Variants in AQP9 observed in about 807,000 individuals in gnomAD.
AQP9 encodes the protein aquaporin-9.
In AQP9, 19 loss-of-function variants were observed where a neutral mutation model predicts 23.8. The observed-to-expected ratio is 0.80, with a 90% confidence interval of 0.56 to 1.17. AQP9 has a LOEUF of 1.17. AQP9 is among the 50% of genes most tolerant of loss of function. The probability of loss-of-function intolerance (pLI) is 0.00; values close to 1 mark genes in which losing one functional copy is unlikely to be tolerated. For synonymous variants in AQP9, 153 were observed against 131.5 expected (o/e 1.16, Z -1.12); for missense variants, 413 against 362.0 (o/e 1.14, Z -1.14).
chr15:58,145,639 C>G (rs1898031835), intron 1 of AQP9, among the ~76,000 whole-genome samples: 1 of 151,946 alleles, frequency 6.6e-6, no homozygotes, highest in Non-Finnish European at 1.5e-5. Flanking sequence ...TTAAATTTTT[C>G]CCTCATTATT....
chr15:58,174,537 T>C (rs1209346921), intron 3 of AQP9, among the ~76,000 whole-genome samples: 12 of 152,118 alleles, frequency 7.9e-5, no homozygotes, highest in African/African-American at 2.9e-4. Flanking sequence ...TGGAGTGGTA[T>C]TAGGGGTTAC....
In AQP9 at chr15:58,179,113, C is replaced by T; in HGVS notation, c.496-15C>T. ...AATGCAGGCTAAAGCCCTGGCTCAA[C>T]TTCTCCCTCTCCAGGTGGTGGCCAC... On this transcript the variant is annotated splice_polypyrimidine_tract_variant and intron_variant, in intron 4 of 5. Coordinates refer to ENST00000219919, the MANE Select transcript of AQP9 (RefSeq NM_020980.5). The T allele has an allele frequency of 6.3e-7, 1 of 1,579,978 alleles. No individual in the cohort carries two copies. The highest frequency in any genetic ancestry group is 8.7e-7 in the Non-Finnish European group (1 of 1,148,870).
intron 5 of AQP9, among the ~76,000 whole-genome samples, chr15:58,180,024 GCCCCAGAAATGGCAAGACT>G (rs1226508773): frequency 3.9e-5 from 6 of 152,152 alleles, no homozygotes; most frequent in African/African-American, 1.4e-4. Flanking sequence ...TTGAGCCTCT[GCCCCAGAAATGGCAAGACT>G]CCACACTTTC....
intron 1 of AQP9, among the ~76,000 whole-genome samples, chr15:58,139,415 TGG>T (rs1362294957): frequency 6.6e-6 from 1 of 152,220 alleles, no homozygotes; most frequent in Non-Finnish European, 1.5e-5. Context: ...TTAAGTGGTC[TGG>T]GCTTTCATTT....
intron 1 of AQP9, among the ~76,000 whole-genome samples, chr15:58,143,628 A>C (rs139916446): frequency 7.2e-4 from 109 of 152,300 alleles, no homozygotes; most frequent in Non-Finnish European, 1.3e-4. Flanking sequence ...ATAGTTTTAT[A>C]TGTTTAAAAA....
intron 5 of AQP9, 112 bp downstream of exon 5, chr15:58,179,457 C>A: frequency 1.1e-6 from 1 of 869,828 alleles, no homozygotes; most frequent in Non-Finnish European, 1.8e-6. Flanking sequence ...CCAACGTTAA[C>A]TGCACACTCT....
chr15:58,174,702 A>G (rs2140627703), intron 3 of AQP9, among the ~76,000 whole-genome samples: 1 of 152,354 alleles, frequency 6.6e-6, no homozygotes, highest in East Asian at 1.9e-4. Flanking sequence ...GCAGTGGGCC[A>G]TTCAGAGAGG....
intron 5 of AQP9, among the ~76,000 whole-genome samples, chr15:58,182,378 C>T (rs1440484660): frequency 6.6e-6 from 1 of 152,072 alleles, no homozygotes; most frequent in African/African-American, 2.4e-5. Flanking sequence ...GGCAGGTAAC[C>T]ACATCTGAGC....
chr15:58,166,643 C>T, intron 1 of AQP9, 30 bp from the exon 2 acceptor site: 1 of 1,591,934 alleles, frequency 6.3e-7, no homozygotes, highest in Non-Finnish European at 8.6e-7. Context: ...GCCATCCCCA[C>T]TTACCTGTTG....
chr15:58,161,278 G>A (rs571921945), intron 1 of AQP9, among the ~76,000 whole-genome samples: 1 of 152,294 alleles, frequency 6.6e-6, no homozygotes, highest in South Asian at 2.1e-4. Context: ...GGGTAATCGG[G>A]AATGACTGGA....
At chr15:58,149,817 G>C (rs1268555036) in intron 1 of AQP9, among the ~76,000 whole-genome samples, 1 of 152,158 alleles carries the variant, frequency 6.6e-6, no homozygotes, top group African/African-American at 2.4e-5. Flanking sequence ...GAGCAGGGAA[G>C]CCTCTGGTAA....
At position 58,179,220 on chromosome 15, in the gene AQP9, C is replaced by A. The variant is rs769791318; in HGVS notation, c.588C>A (p.Ile196=). Residue 196 remains isoleucine (I), a synonymous_variant, in exon 5 of 6, where the codon ATC becomes ATA. Transcript: ENST00000219919. Reference sequence around the variant, plus strand: ...CCAGAGGCCTAGAGCCCATTGCCATCGGCCTCCTGATTATTGTCATTGCTT... The same window carrying A: ...CCAGAGGCCTAGAGCCCATTGCCATAGGCCTCCTGATTATTGTCATTGCTT... ...GAPRGLEPIA[I]GLLIIVIASS... is the part of the protein sequence containing the mutation. 9.9e-6 allele frequency: 16 copies of A among 1,613,920 alleles called. No individual in the cohort carries two copies. The Admixed American group carries it at 2.3e-4, about 24-fold the overall frequency.
At chr15:58,143,524 T>A (rs1025013682) in intron 1 of AQP9, among the ~76,000 whole-genome samples, 1 of 152,256 alleles carries the variant, frequency 6.6e-6, no homozygotes, top group African/African-American at 2.4e-5. Flanking sequence ...GAGATTAGAA[T>A]CAAATCTCTC....
At chr15:58,170,249 C>T (rs375363295) in intron 2 of AQP9, among the ~76,000 whole-genome samples, 1 of 152,140 alleles carries the variant, frequency 6.6e-6, no homozygotes, top group East Asian at 1.9e-4. Context: ...ACTTGTCCAC[C>T]TCTCTTTCTG....
At chr15:58,171,776 T>C (rs147239581) in intron 2 of AQP9, among the ~76,000 whole-genome samples, 1 of 152,262 alleles carries the variant, frequency 6.6e-6, no homozygotes, top group Non-Finnish European at 1.5e-5. Flanking sequence ...AGCATAGCTT[T>C]CTCCACAGGG....
At position 58,149,429 on chromosome 15, in the gene AQP9, C is replaced by T. The variant is rs373838635; in HGVS notation, c.111+10753C>T. On this transcript the variant is annotated intron_variant, in intron 1 of 5. Coordinates refer to ENST00000219919, the MANE Select transcript of AQP9 (RefSeq NM_020980.5). ...GTGCAGTCAAACCTTGGCCCCAGCACGTACCACTTATGGGAATGTGAGAGC... is the reference window on the plus strand; with the variant it reads ...GTGCAGTCAAACCTTGGCCCCAGCATGTACCACTTATGGGAATGTGAGAGC... Among the ~76,000 whole-genome samples the T allele has an allele frequency of 3.3e-4, 51 of 152,298 alleles. 1 individual carries two copies. The highest frequency in any genetic ancestry group is 1.2e-3 in the Admixed American group (19 of 15,296).
intron 1 of AQP9, among the ~76,000 whole-genome samples, chr15:58,162,719 G>A (rs1478840205): frequency 6.6e-6 from 1 of 152,132 alleles, no homozygotes; most frequent in Non-Finnish European, 1.5e-5. Flanking sequence ...AAGAAGCCAG[G>A]CCCCACGGAG....
In AQP9 at chr15:58,147,457, C is replaced by A. The variant is rs371627514; in HGVS notation, c.111+8781C>A. Reference sequence around the variant, plus strand: ...CTCCAGCAGGCATCTAATTTCATGTCTGGGGCAGGATTGCTGAGTTCACTG... The same window carrying A: ...CTCCAGCAGGCATCTAATTTCATGTATGGGGCAGGATTGCTGAGTTCACTG... On this transcript the variant is annotated intron_variant, in intron 1 of 5. Coordinates refer to ENST00000219919, the MANE Select transcript of AQP9 (RefSeq NM_020980.5). Among the ~76,000 whole-genome samples the A allele has an allele frequency of 3.9e-5, 6 of 152,178 alleles. No individual in the cohort carries two copies. In the East Asian group the frequency reaches 1.2e-3, roughly 29 times the overall value.
At chr15:58,157,688 G>C (rs768319498) in intron 1 of AQP9, among the ~76,000 whole-genome samples, 2 of 152,138 alleles carry the variant, frequency 1.3e-5, no homozygotes, top group Admixed American at 6.6e-5. Flanking sequence ...GTGTGAGAGA[G>C]AACAAGAGAG....
Sources: gnomAD v4.1 joint callset for allele counts (sites outside exome capture counted in the v4.1 genomes callset) on GRCh38, gnomAD v4.1.1 for gene constraint, MANE v1.5 for transcripts, NCBI Gene and HGNC (gene_info 2026-07-23, HGNC 2026-07-21) for gene names.